The following HTR7 variants were observed in gnomAD, a reference collection of about 807,000 sequenced individuals.
The protein encoded by HTR7 is 5-hydroxytryptamine receptor 7.
Under a neutral mutation model 34.0 loss-of-function variants are expected in HTR7, and 16 were observed. That is an observed-to-expected ratio of 0.47 (90% CI 0.32 to 0.71). The LOEUF is 0.71. HTR7 is among the 30% of genes least tolerant of loss of function. The pLI is 0.04. For synonymous variants in HTR7, 265 were observed against 260.2 expected (o/e 1.02, Z -0.18); for missense variants, 504 against 625.5 (o/e 0.81, Z 2.07).
intron 1 of HTR7, among the ~76,000 whole-genome samples, chr10:90,754,635 G>A (rs2119694604): frequency 6.6e-6 from 1 of 152,296 alleles, no homozygotes; most frequent in Admixed American, 6.5e-5. Flanking sequence ...TGCCATTGAA[G>A]TACAGGTTCA....
At chr10:90,743,862 T>C (rs3740048) in intron 2 of HTR7, 172 bp from the exon 3 acceptor site, 112,442 of 722,072 alleles carry the variant, frequency 0.16, 9,477 homozygotes, top group East Asian at 0.19. Flanking sequence ...AGTGCAAAAG[T>C]ATTCACAGCT....
At chr10:90,818,709 C>T (rs1483390723) in intron 1 of HTR7, among the ~76,000 whole-genome samples, 1 of 152,082 alleles carries the variant, frequency 6.6e-6, no homozygotes, top group Non-Finnish European at 1.5e-5. Context: ...GCCTCCAGAA[C>T]CATGAACTAA....
At chr10:90,842,096 T>C (rs1402644058) in intron 1 of HTR7, among the ~76,000 whole-genome samples, 1 of 152,208 alleles carries the variant, frequency 6.6e-6, no homozygotes, top group African/African-American at 2.4e-5. Flanking sequence ...TATTGGAACT[T>C]GAACCTCAAT....
At chr10:90,785,438 G>A (rs988213730) in intron 1 of HTR7, among the ~76,000 whole-genome samples, 2 of 152,026 alleles carry the variant, frequency 1.3e-5, no homozygotes, top group Admixed American at 1.3e-4. Flanking sequence ...GCGAAGTAGA[G>A]TCTAGGGGAT....
chr10:90,784,225 T>C (rs1300980695), intron 1 of HTR7, among the ~76,000 whole-genome samples: 1 of 152,240 alleles, frequency 6.6e-6, no homozygotes, highest in Non-Finnish European at 1.5e-5. Flanking sequence ...TATATAGGAC[T>C]CTGAAAAGAT....
chr10:90,854,773 C>A (rs1846554283), intron 1 of HTR7, among the ~76,000 whole-genome samples: 1 of 152,120 alleles, frequency 6.6e-6, no homozygotes, highest in South Asian at 2.1e-4. Flanking sequence ...CAACAGATAT[C>A]CAAACTCTCC....
At chr10:90,839,399 T>C (rs898176844) in intron 1 of HTR7, among the ~76,000 whole-genome samples, 1 of 152,196 alleles carries the variant, frequency 6.6e-6, no homozygotes, top group African/African-American at 2.4e-5. Flanking sequence ...ACCATAAATA[T>C]TGATAGCCCC....
chr10:90,796,520 T>G (rs1845540279), intron 1 of HTR7, among the ~76,000 whole-genome samples: 1 of 152,144 alleles, frequency 6.6e-6, no homozygotes, highest in African/African-American at 2.4e-5. Context: ...GGCCAGGAGT[T>G]CCAGAACACC....
intron 1 of HTR7, among the ~76,000 whole-genome samples, chr10:90,785,927 G>A (rs1458475870): frequency 6.6e-6 from 1 of 152,134 alleles, no homozygotes; most frequent in African/African-American, 2.4e-5. Context: ...TGAGCAACCC[G>A]ACCTGGGAAT....
chr10:90,839,480 G>C (rs1215421375), intron 1 of HTR7, among the ~76,000 whole-genome samples: 1 of 152,138 alleles, frequency 6.6e-6, no homozygotes, highest in African/African-American at 2.4e-5. Flanking sequence ...AAGCTATGTA[G>C]CTGCCTCTCT....
chr10:90,750,568 A>C (rs543504384), intron 1 of HTR7, among the ~76,000 whole-genome samples: 1 of 152,336 alleles, frequency 6.6e-6, no homozygotes, highest in East Asian at 1.9e-4. Flanking sequence ...CAGAAAAAAA[A>C]CTGGTCATTT....
At chr10:90,810,030 T>C (rs1168143292) in intron 1 of HTR7, among the ~76,000 whole-genome samples, 1 of 152,182 alleles carries the variant, frequency 6.6e-6, no homozygotes, top group Non-Finnish European at 1.5e-5. Flanking sequence ...TTACCTCCTT[T>C]TCAAGGGCCT....
chr10:90,822,491 C>A (rs1410341741), intron 1 of HTR7, among the ~76,000 whole-genome samples: 1 of 152,094 alleles, frequency 6.6e-6, no homozygotes, highest in Non-Finnish European at 1.5e-5. Flanking sequence ...TATTCATAAG[C>A]AAAGAGATGA....
intron 1 of HTR7, among the ~76,000 whole-genome samples, chr10:90,842,512 C>A (rs1418709948): frequency 6.6e-6 from 1 of 152,088 alleles, no homozygotes; most frequent in Non-Finnish European, 1.5e-5. Flanking sequence ...CCTCATCACC[C>A]AGGAGTAGGG....
intron 1 of HTR7, among the ~76,000 whole-genome samples, chr10:90,838,250 A>G (rs2420368): frequency 0.21 from 32,416 of 152,074 alleles, 4,466 homozygotes; most frequent in African/African-American, 0.38. Flanking sequence ...GTCTTGGTAA[A>G]CAGTATCACC....
chr10:90,839,018 C>T lies in HTR7; in HGVS notation c.539+18115G>A, dbSNP rs1170636586. Among the ~76,000 whole-genome samples the T allele has an allele frequency of 3.3e-5, 5 of 152,118 alleles. No homozygotes were observed. In the East Asian group the frequency reaches 9.6e-4, roughly 29 times the overall value. On this transcript the variant is annotated intron_variant, in intron 1 of 3. Coordinates refer to ENST00000336152, the MANE Select transcript of HTR7 (RefSeq NM_019859.4). ...GCTTATGATAAGGAAGACTAACCAA[C>T]ATAGATTAGGTAGTCAATAAATATT...
intron 1 of HTR7, among the ~76,000 whole-genome samples, chr10:90,778,749 C>T (rs1845261556): frequency 6.6e-6 from 1 of 152,218 alleles, no homozygotes. Context: ...TTTCCACTTG[C>T]CCACACTCAC....
intron 1 of HTR7, among the ~76,000 whole-genome samples, chr10:90,756,075 A>G (rs992565731): frequency 1.3e-5 from 2 of 152,220 alleles, no homozygotes; most frequent in Non-Finnish European, 2.9e-5. Context: ...AACATGGATG[A>G]TTTTCACAAA....
At chr10:90,850,437 C>T (rs1176485599) in intron 1 of HTR7, among the ~76,000 whole-genome samples, 1 of 152,138 alleles carries the variant, frequency 6.6e-6, no homozygotes, top group Admixed American at 6.5e-5. Flanking sequence ...TTCTCTGGAA[C>T]AAAATAACAT....
Sources: allele counts gnomAD v4.1 joint callset (sites outside exome capture counted in the v4.1 genomes callset), GRCh38; gene constraint gnomAD v4.1.1; transcripts MANE v1.5; gene names NCBI Gene and HGNC (gene_info 2026-07-23, HGNC 2026-07-21).